Variants in AIM2 observed in about 807,000 individuals in gnomAD.
AIM2 encodes the protein interferon-inducible protein AIM2.
A neutral mutation model predicts 27.7 loss-of-function variants in AIM2; 30 were observed. The observed-to-expected ratio is 1.08, with a 90% CI of 0.81 to 1.47. The LOEUF (loss-of-function observed/expected upper bound fraction) is 1.47. AIM2 is among the 40% of genes most tolerant of loss of function. The pLI is 0.00. For missense variants in AIM2, 358 were observed against 411.3 expected (o/e 0.87, Z 1.12); for synonymous variants, 141 against 145.3 (o/e 0.97, Z 0.21).
chr1:159,095,371 G>A (rs557911765), intron 1 of AIM2, among the ~76,000 whole-genome samples: 23 of 152,222 alleles, frequency 1.5e-4, no homozygotes, highest in African/African-American at 5.5e-4. Flanking sequence ...ATGTCAACTC[G>A]AATCAATTTG....
At chr1:159,069,381 C>A (rs962708243) in intron 2 of AIM2, among the ~76,000 whole-genome samples, 2 of 152,056 alleles carry the variant, frequency 1.3e-5, no homozygotes, top group Non-Finnish European at 2.9e-5. Flanking sequence ...CAGCATTATT[C>A]ATAATGGCCT....
intron 1 of AIM2, among the ~76,000 whole-genome samples, chr1:159,093,763 G>A (rs1033714724): frequency 5.9e-5 from 9 of 151,632 alleles, no homozygotes; most frequent in Admixed American, 5.9e-4. Flanking sequence ...GAGAGACGGA[G>A]TCTTGTTCTG....
In AIM2 at chr1:159,123,217, TA is replaced by T. The variant is rs200015716; in HGVS notation, c.-16+17213del. On this transcript the variant is annotated intron_variant, in intron 1 of 2. Coordinates refer to the AIM2 transcript ENST00000368129. Reference sequence around the variant, plus strand: ...TTACATACAAATAAAAACACCATTATAAAAAAAATACTCTCTGCATTTCCCT... The same window carrying T: ...TTACATACAAATAAAAACACCATTATAAAAAAATACTCTCTGCATTTCCCT... Among the ~76,000 whole-genome samples the T allele has an allele frequency of 1.2e-4, 18 of 152,078 alleles. No individual in the cohort carries two copies. In the South Asian group the frequency reaches 2.7e-3, roughly 23 times the overall value.
intron 1 of AIM2, among the ~76,000 whole-genome samples, chr1:159,096,488 T>C (rs1444715677): frequency 2.6e-5 from 4 of 152,136 alleles, no homozygotes; most frequent in Non-Finnish European, 5.9e-5. Flanking sequence ...ATAAGTAAAT[T>C]GCTATTTATT....
At chr1:159,066,422 C>T in intron 3 of AIM2, 93 bp from the exon 4 acceptor site, 1 of 1,326,500 alleles carries the variant, frequency 7.5e-7, no homozygotes, top group South Asian at 1.5e-5. Flanking sequence ...CTCAGAAAGC[C>T]AGCAGAAGAT....
intron 1 of AIM2, among the ~76,000 whole-genome samples, chr1:159,093,670 T>C (rs899481091): frequency 1.3e-5 from 2 of 151,818 alleles, no homozygotes; most frequent in African/African-American, 4.8e-5. Context: ...GAGGAATGTA[T>C]ATAACATTTT....
chr1:159,082,973 G>A (rs553122874), intron 1 of AIM2, among the ~76,000 whole-genome samples: 1 of 152,258 alleles, frequency 6.6e-6, no homozygotes, highest in African/African-American at 2.4e-5. Context: ...GTAGTGGGTG[G>A]TTGCAGAGAA....
intron 1 of AIM2, among the ~76,000 whole-genome samples, chr1:159,127,091 G>C (rs1647714690): frequency 6.6e-6 from 1 of 152,108 alleles, no homozygotes; most frequent in Non-Finnish European, 1.5e-5. Context: ...AACAAGCCAG[G>C]GGATGATTGG....
chr1:159,129,803 A>T (rs1055382332), intron 1 of AIM2, among the ~76,000 whole-genome samples: 1 of 152,204 alleles, frequency 6.6e-6, no homozygotes. Flanking sequence ...TCTTTATGAG[A>T]TAACTTCCAT....
At chr1:159,121,089 A>C (rs7521148) in intron 1 of AIM2, among the ~76,000 whole-genome samples, 6,041 of 152,242 alleles carry the variant, frequency 0.04, 137 homozygotes, top group Middle Eastern at 0.054. Context: ...TCAAACCCAG[A>C]GATTCTCAGC....
chr1:159,145,390 C>T (rs771515964), upstream of AIM2, among the ~76,000 whole-genome samples: 6 of 152,188 alleles, frequency 3.9e-5, no homozygotes, highest in Non-Finnish European at 8.8e-5. Context: ...TCTATCTTTC[C>T]TCCCTCCTAG....
At chr1:159,132,031 T>C (rs1647898298) in intron 1 of AIM2, among the ~76,000 whole-genome samples, 2 of 151,714 alleles carry the variant, frequency 1.3e-5, no homozygotes, top group Non-Finnish European at 2.9e-5. Flanking sequence ...TCAAACTTCA[T>C]GGGGGCAAAT....
chr1:159,071,806 G>A (rs1233165002), intron 2 of AIM2, among the ~76,000 whole-genome samples: 1 of 152,110 alleles, frequency 6.6e-6, no homozygotes, highest in Non-Finnish European at 1.5e-5. Context: ...CACTGCGCCT[G>A]GCCCAAAAGC....
intron 1 of AIM2, among the ~76,000 whole-genome samples, chr1:159,139,896 A>G (rs1315355361): frequency 1.3e-5 from 2 of 152,214 alleles, no homozygotes; most frequent in Non-Finnish European, 2.9e-5. Context: ...ACAGTGATAT[A>G]GAAATAATAT....
intron 1 of AIM2, among the ~76,000 whole-genome samples, chr1:159,101,128 C>T (rs2102018127): frequency 6.6e-6 from 1 of 152,252 alleles, no homozygotes; most frequent in East Asian, 1.9e-4. Flanking sequence ...TTGTAATAAG[C>T]CCCACGTGTT....
At chr1:159,111,850 CTATCT>C (rs1657584104) in intron 1 of AIM2, among the ~76,000 whole-genome samples, 2 of 148,778 alleles carry the variant, frequency 1.3e-5, no homozygotes, top group African/African-American at 5.0e-5. Flanking sequence ...ATCTATCTAT[CTATCT>C]ATCTATCTAT....
At chr1:159,130,097 C>CT (rs1035593905) in intron 1 of AIM2, among the ~76,000 whole-genome samples, 17 of 152,140 alleles carry the variant, frequency 1.1e-4, no homozygotes, top group Non-Finnish European at 2.1e-4. Context: ...CTCGTGCACC[C>CT]TTTTTTAAAA....
chr1:159,066,426 A>C lies in AIM2; in HGVS notation c.397-97T>G, dbSNP rs529022896. ...CAGTGCTAAACCTCAGAAAGCCAGC[A>C]GAAGATAGGTGGAATCAAGGGAAGA... On this transcript the variant is annotated intron_variant, in intron 3 of 5. Transcript: ENST00000368130. 2.1e-5 allele frequency: 27 copies of C among 1,278,140 alleles called. No homozygotes were observed. The African/African-American group carries it at 3.7e-4, about 18-fold the overall frequency. 79.2% of individuals were successfully genotyped at this position (1,278,140 alleles called of 1,614,324 possible).
At chr1:159,096,342 T>C (rs999570175) in intron 1 of AIM2, among the ~76,000 whole-genome samples, 1 of 151,764 alleles carries the variant, frequency 6.6e-6, no homozygotes, top group Non-Finnish European at 1.5e-5. Flanking sequence ...AAAAATATAA[T>C]GCCTATCTTG....
Sources: gnomAD v4.1 joint callset for allele counts (sites outside exome capture counted in the v4.1 genomes callset) on GRCh38, gnomAD v4.1.1 for gene constraint, MANE v1.5 for transcripts, NCBI Gene and HGNC (gene_info 2026-07-23, HGNC 2026-07-21) for gene names.